PRORP: variants seen among roughly 807,000 people sequenced by gnomAD.
The protein encoded by PRORP is mitochondrial ribonuclease P catalytic subunit.
Under a neutral mutation model 59.4 loss-of-function variants are expected in PRORP, and 51 were observed. The observed-to-expected ratio is 0.86, with a 90% CI of 0.69 to 1.08. PRORP has a LOEUF of 1.08. Ranked by LOEUF, PRORP falls within the 50% of genes least tolerant of loss-of-function variation. The pLI is 0.00. For missense variants in PRORP, 646 were observed against 690.3 expected (o/e 0.94, Z 0.72); for synonymous variants, 231 against 245.6 (o/e 0.94, Z 0.55).
At position 35,178,897 on chromosome 14, in the gene PRORP, T is replaced by A. The variant is rs575485658; in HGVS notation, c.1168-1773T>A. On this transcript the variant is annotated intron_variant, in intron 4 of 7. Transcript: ENST00000534898. ...CTGGTACCGGTTGTATCTTTCCACG[T>A]TTAGTGCTTCCTTCAGAAGCTCTTT... is the stretch of plus-strand genomic sequence containing the variant. 1.2e-4 allele frequency among the ~76,000 whole-genome samples: 18 copies of A among 152,338 alleles called. No homozygotes were observed. The East Asian group carries it at 3.5e-3, about 29-fold the overall frequency.
At chr14:35,256,145 G>A (rs908222119) in intron 5 of PRORP, among the ~76,000 whole-genome samples, 31 of 150,600 alleles carry the variant, frequency 2.1e-4, no homozygotes, top group East Asian at 1.6e-3. Context: ...TTAGTTGGGC[G>A]TGGTGGCAGG....
intron 5 of PRORP, among the ~76,000 whole-genome samples, chr14:35,211,119 C>T (rs868865887): frequency 3.3e-5 from 5 of 152,092 alleles, no homozygotes; most frequent in African/African-American, 1.2e-4. Flanking sequence ...CCTCATGCTC[C>T]TATCCTATTA....
intron 4 of PRORP, among the ~76,000 whole-genome samples, chr14:35,134,045 G>A (rs2047315101): frequency 6.6e-6 from 1 of 152,202 alleles, no homozygotes; most frequent in Non-Finnish European, 1.5e-5. Context: ...AGCCAGCCAG[G>A]CCTGTGTTCT....
At chr14:35,248,069 C>G (rs951824812) in intron 5 of PRORP, among the ~76,000 whole-genome samples, 6 of 152,170 alleles carry the variant, frequency 3.9e-5, no homozygotes, top group African/African-American at 1.4e-4. Context: ...AGGGATTTCT[C>G]TTCCTCCGTA....
intron 4 of PRORP, among the ~76,000 whole-genome samples, chr14:35,143,343 G>C (rs575151775): frequency 1.4e-5 from 2 of 144,496 alleles, no homozygotes; most frequent in South Asian, 4.6e-4. Context: ...TGTATTTTTA[G>C]TAGAGACGGG....
intron 7 of PRORP, among the ~76,000 whole-genome samples, chr14:35,272,310 A>T (rs1012383789): frequency 6.6e-6 from 1 of 152,186 alleles, no homozygotes; most frequent in African/African-American, 2.4e-5. Context: ...GTTATTCGTC[A>T]ATTTAAAAAT....
intron 5 of PRORP, chr14:35,235,406 A>G: frequency 7.2e-6 from 5 of 692,378 alleles, no homozygotes; most frequent in South Asian, 7.0e-5. Flanking sequence ...TAGATGTCCC[A>G]GTCTTGCCTT....
At chr14:35,208,377 G>C (rs147509524) in intron 5 of PRORP, among the ~76,000 whole-genome samples, 2 of 152,156 alleles carry the variant, frequency 1.3e-5, no homozygotes, top group South Asian at 2.1e-4. Flanking sequence ...GGAGTTCAAG[G>C]CCTGACGGGG....
rs1459788836 is a variant in PRORP, at chr14:35,136,638, G to A, written c.1167+9027G>A. On this transcript the variant is annotated intron_variant, in intron 4 of 7. Coordinates refer to ENST00000534898, the MANE Select transcript of PRORP (RefSeq NM_014672.4). ...GATCCACCCACCTCGGCCTCCCAAAGTGCTGGGATTACAGGTGTGAGCCAC... is the reference window on the plus strand; with the variant it reads ...GATCCACCCACCTCGGCCTCCCAAAATGCTGGGATTACAGGTGTGAGCCAC... 2.1e-5 allele frequency among the ~76,000 whole-genome samples: 3 copies of A among 145,524 alleles called. 1 individual carries two copies. Among genetic ancestry groups the A allele is most frequent in the Non-Finnish European group, 3.1e-5 (2 of 65,532 alleles).
intron 5 of PRORP, among the ~76,000 whole-genome samples, chr14:35,196,606 C>T (rs1239192454): frequency 6.6e-6 from 1 of 152,150 alleles, no homozygotes; most frequent in Non-Finnish European, 1.5e-5. Context: ...CTTGAGGAAA[C>T]AAATTTGCAT....
At chr14:35,200,861 A>G (rs1188709177) in intron 5 of PRORP, among the ~76,000 whole-genome samples, 1 of 152,176 alleles carries the variant, frequency 6.6e-6, no homozygotes, top group Non-Finnish European at 1.5e-5. Flanking sequence ...GCTATTAACT[A>G]AAGTCCATAC....
intron 5 of PRORP, among the ~76,000 whole-genome samples, chr14:35,247,168 G>A (rs991925895): frequency 3.3e-5 from 5 of 152,012 alleles, no homozygotes; most frequent in African/African-American, 1.2e-4. Context: ...TATGATTATT[G>A]AACTATTAAG....
intron 4 of PRORP, among the ~76,000 whole-genome samples, chr14:35,180,318 G>A (rs751801683): frequency 6.6e-6 from 1 of 152,044 alleles, no homozygotes; most frequent in Non-Finnish European, 1.5e-5. Flanking sequence ...GTTCCTATTC[G>A]GCCATCTTGG....
At position 35,273,331 on chromosome 14, in the gene PRORP, A is replaced by G; in HGVS notation, c.1621-104A>G. On this transcript the variant is annotated intron_variant, in intron 7 of 7. Transcript: ENST00000534898. ...CCATTATTAAGTGAGATAATCCATT[A>G]TCAATACTCTTCTGGAGCAAACTTG... 8.2e-6 allele frequency: 9 copies of G among 1,098,824 alleles called. No individual in the cohort carries two copies. The South Asian group carries it at 1.7e-4, about 21-fold the overall frequency. The allele number at this position is 1,098,824 out of a possible 1,614,324, so 68.1% of individuals were successfully genotyped here.
chr14:35,208,842 T>C (rs2049361639), intron 5 of PRORP, among the ~76,000 whole-genome samples: 1 of 152,138 alleles, frequency 6.6e-6, no homozygotes, highest in Non-Finnish European at 1.5e-5. Flanking sequence ...AAACCTTGTC[T>C]CTACTAAAAA....
chr14:35,164,082 G>A (rs1228288710), intron 4 of PRORP, among the ~76,000 whole-genome samples: 1 of 152,270 alleles, frequency 6.6e-6, no homozygotes, highest in East Asian at 1.9e-4. Context: ...TTGTATGTGA[G>A]TGTGCAGCTT....
intron 5 of PRORP, among the ~76,000 whole-genome samples, chr14:35,227,056 CT>C (rs1455638456): frequency 6.6e-6 from 1 of 151,940 alleles, no homozygotes; most frequent in African/African-American, 2.4e-5. Context: ...TCTTACCGTC[CT>C]TGTGATATTG....
chr14:35,229,805 C>G (rs913454449), intron 5 of PRORP, among the ~76,000 whole-genome samples: 5 of 152,028 alleles, frequency 3.3e-5, no homozygotes, highest in Non-Finnish European at 5.9e-5. Flanking sequence ...GGATTTTTTT[C>G]AAACAATCAC....
At chr14:35,256,291 CA>C (rs199957765) in intron 5 of PRORP, among the ~76,000 whole-genome samples, 40 of 81,856 alleles carry the variant, frequency 4.9e-4, no homozygotes, top group African/African-American at 6.3e-4. Flanking sequence ...CTCAAAATCT[CA>C]AAAAAAAAAA....
Sources: allele counts gnomAD v4.1 joint callset (sites outside exome capture counted in the v4.1 genomes callset), GRCh38; gene constraint gnomAD v4.1.1; transcripts MANE v1.5; gene names NCBI Gene and HGNC (gene_info 2026-07-23, HGNC 2026-07-21).